EEPD1: variants seen among roughly 807,000 people sequenced by gnomAD.
EEPD1 encodes the protein endonuclease/exonuclease/phosphatase family domain containing 1.
A neutral mutation model predicts 46.3 loss-of-function variants in EEPD1; 17 were observed. The ratio of observed to expected loss-of-function variants is 0.37; its 90% CI spans 0.25 to 0.55. The LOEUF (loss-of-function observed/expected upper bound fraction) is 0.55, where lower values mean the gene tolerates loss of function less well. EEPD1 is among the 20% of genes least tolerant of loss of function. The pLI, the probability that EEPD1 is intolerant of heterozygous loss-of-function variation, is 0.83. For synonymous variants in EEPD1, 313 were observed against 315.6 expected (o/e 0.99, Z 0.09); for missense variants, 673 against 745.6 (o/e 0.90, Z 1.13).
intron 2 of EEPD1, among the ~76,000 whole-genome samples, chr7:36,191,834 G>A (rs1252207122): frequency 6.6e-6 from 1 of 152,212 alleles, no homozygotes; most frequent in African/African-American, 2.4e-5. Context: ...ATTTCTGTTA[G>A]TCTCAGGGAG....
intron 2 of EEPD1, among the ~76,000 whole-genome samples, chr7:36,198,251 G>T (rs1246754314): frequency 7.0e-6 from 1 of 143,070 alleles, no homozygotes; most frequent in Non-Finnish European, 1.5e-5. Context: ...TCTAGGACTT[G>T]ACAAAGCCAG....
rs1251597614 is a variant in EEPD1 at position 36,178,586 on chromosome 7, T to C, written c.878+23384T>C. On this transcript the variant is annotated intron_variant, in intron 2 of 7. Transcript: ENST00000242108. ...CTTCTGCCAACCCTTGCTCTTCCTT[T>C]AGGTACCAGCATCGTGTGGCTCTTG... 2.6e-5 allele frequency among the ~76,000 whole-genome samples: 4 copies of C among 152,218 alleles called. No homozygotes were observed. In the East Asian group the frequency reaches 7.7e-4, roughly 29 times the overall value.
chr7:36,288,778 AAG>A (rs1787379573), intron 6 of EEPD1, among the ~76,000 whole-genome samples: 1 of 152,082 alleles, frequency 6.6e-6, no homozygotes, highest in South Asian at 2.1e-4. Flanking sequence ...AAAAAAAAAA[AAG>A]GAGCTGAACT....
intron 2 of EEPD1, among the ~76,000 whole-genome samples, chr7:36,190,501 T>G (rs550681172): frequency 1.3e-5 from 2 of 152,260 alleles, no homozygotes; most frequent in African/African-American, 4.8e-5. Flanking sequence ...ATCAACATAA[T>G]CCTGACCAAG....
At position 36,189,283 on chromosome 7, in the gene EEPD1, T is replaced by C. The variant is rs149329746; in HGVS notation, c.878+34081T>C. On this transcript the variant is annotated intron_variant, in intron 2 of 7. Transcript: ENST00000242108. The stretch of plus-strand genomic sequence containing the variant: ...TTTGCAGAAGTTTCGAGAGGAGTGT[T>C]GATCTGAATTCTGAAGGACAGAACA... Among the ~76,000 whole-genome samples, 23 of 152,266 alleles carry C rather than the reference T, an allele frequency of 1.5e-4. No homozygotes were observed. In the East Asian group the frequency reaches 4.4e-3, roughly 29 times the overall value.
At chr7:36,258,492 G>A (rs1786861573) in intron 3 of EEPD1, among the ~76,000 whole-genome samples, 1 of 152,200 alleles carries the variant, frequency 6.6e-6, no homozygotes, top group Non-Finnish European at 1.5e-5. Context: ...CCACTGACTG[G>A]GGCTGCTGCC....
chr7:36,189,358 AAAAC>A (rs1312333294), intron 2 of EEPD1, among the ~76,000 whole-genome samples: 3 of 152,266 alleles, frequency 2.0e-5, no homozygotes, highest in Non-Finnish European at 4.4e-5. Context: ...AATGCTAAGA[AAAAC>A]AAATCAGTGA....
At chr7:36,198,871 G>A (rs970949256) in intron 2 of EEPD1, among the ~76,000 whole-genome samples, 1 of 151,984 alleles carries the variant, frequency 6.6e-6, no homozygotes, top group Admixed American at 6.6e-5. Flanking sequence ...TGGGGGGCCC[G>A]ATTGACTGCT....
chr7:36,170,395 T>G (rs1447455532), intron 2 of EEPD1, among the ~76,000 whole-genome samples: 4 of 151,728 alleles, frequency 2.6e-5, no homozygotes, highest in African/African-American at 4.8e-5. Flanking sequence ...GGTGACAGAG[T>G]AAGACTCTGT....
intron 2 of EEPD1, among the ~76,000 whole-genome samples, chr7:36,163,028 A>T (rs1046269780): frequency 5.9e-5 from 9 of 152,198 alleles, no homozygotes; most frequent in Admixed American, 2.6e-4. Flanking sequence ...TTTTTAAAAA[A>T]TATCTATCCA....
intron 2 of EEPD1, among the ~76,000 whole-genome samples, chr7:36,185,250 G>A (rs184085455): frequency 2.8e-4 from 43 of 152,320 alleles, no homozygotes; most frequent in Admixed American, 2.4e-3. Context: ...AGCATGCCAT[G>A]TGTTCATCTG....
chr7:36,296,131 T>C lies in EEPD1; in HGVS notation c.1316-862T>C, dbSNP rs920971854. Reference sequence around the variant, plus strand: ...TTAAAAGTGACCAGCAGCAGGAAAATGGTACATTATGTGCATCAACATGAT... The same window carrying C: ...TTAAAAGTGACCAGCAGCAGGAAAACGGTACATTATGTGCATCAACATGAT... On this transcript the variant is annotated intron_variant, in intron 6 of 7. Coordinates refer to ENST00000242108, the MANE Select transcript of EEPD1 (RefSeq NM_030636.3). 2.0e-5 allele frequency among the ~76,000 whole-genome samples: 3 copies of C among 146,622 alleles called. No homozygotes were observed. In the Admixed American group the frequency reaches 2.1e-4, roughly 10 times the overall value.
chr7:36,154,787 G>A lies in EEPD1; in HGVS notation c.463G>A (p.Glu155Lys). Residue 155 changes from glutamate (E) to lysine (K), a missense_variant, in exon 2 of 8, where the codon GAG becomes AAG. Glu to Lys is a moderately conservative substitution (Grantham distance 56). Transcript: ENST00000242108. The surrounding 1 kb of genome is among the most constrained non-coding windows in gnomAD (Gnocchi z 4.2). The part of the protein sequence containing the change: ...AQLMSVRGLS[E>K]KMALSIVDFR... ...GCTCATGAGCGTGCGAGGCCTCTCG[G>A]AGAAAATGGCCCTCAGCATCGTGGA... 1 of 1,614,158 alleles carries A rather than the reference G, an allele frequency of 6.2e-7. No individual in the cohort carries two copies. Among genetic ancestry groups the A allele is most frequent in the Non-Finnish European group, 8.5e-7 (1 of 1,180,026 alleles).
chr7:36,213,387 A>G (rs984997223), intron 2 of EEPD1, among the ~76,000 whole-genome samples: 1 of 152,140 alleles, frequency 6.6e-6, no homozygotes, highest in Non-Finnish European at 1.5e-5. Context: ...ATTTGCTTGG[A>G]AAGTCTCATT....
At chr7:36,236,873 T>G (rs1055315864) in intron 2 of EEPD1, among the ~76,000 whole-genome samples, 1 of 152,210 alleles carries the variant, frequency 6.6e-6, no homozygotes, top group Non-Finnish European at 1.5e-5. Context: ...ATTAGCAGGA[T>G]GTGGGTGGGG....
At chr7:36,295,360 G>A (rs1257494658) in intron 6 of EEPD1, among the ~76,000 whole-genome samples, 1 of 152,104 alleles carries the variant, frequency 6.6e-6, no homozygotes, top group Non-Finnish European at 1.5e-5. Flanking sequence ...CAAAGTCAAT[G>A]ACATAGTACT....
chr7:36,201,167 T>C (rs759303942), intron 2 of EEPD1, among the ~76,000 whole-genome samples: 11 of 152,012 alleles, frequency 7.2e-5, no homozygotes, highest in Non-Finnish European at 1.2e-4. Context: ...ATTCTGAAGT[T>C]ATGGAAGACA....
rs112365304 is a variant in EEPD1, at chr7:36,219,668, A to T, written c.879-19317A>T. 2.9e-5 allele frequency among the ~76,000 whole-genome samples: 4 copies of T among 135,818 alleles called. 1 individual carries two copies. The highest frequency in any genetic ancestry group is 1.4e-4 in the African/African-American group (4 of 28,542). The allele number at this position is 135,818 out of a possible 152,430, so 89.1% of individuals were successfully genotyped here. A position where few individuals can be genotyped will look rare whatever the true frequency, so the allele number is the denominator to read the frequency against. ...AGAAGGAGGAAGAGGAAGGAAGGAA[A>T]GAAGGAAAGAAGGAAAGAAGAAGAA... is the stretch of plus-strand genomic sequence containing the variant. On this transcript the variant is annotated intron_variant, in intron 2 of 7. Coordinates refer to ENST00000242108, the MANE Select transcript of EEPD1 (RefSeq NM_030636.3).
intron 2 of EEPD1, among the ~76,000 whole-genome samples, chr7:36,224,834 G>GA (rs57802486): frequency 0.016 from 2,323 of 146,314 alleles, 28 homozygotes; most frequent in Non-Finnish European, 0.024. Flanking sequence ...ACCTCACATG[G>GA]AAAAAAAAAA....
Sources: gnomAD v4.1 joint callset for allele counts (sites outside exome capture counted in the v4.1 genomes callset) on GRCh38, gnomAD v4.1.1 for gene constraint, Gnocchi (gnomAD v3.1) non-coding constraint, MANE v1.5 for transcripts, NCBI Gene and HGNC (gene_info 2026-07-23, HGNC 2026-07-21) for gene names.